The following MCTP1 variants were observed in gnomAD, a reference collection of about 807,000 sequenced individuals.
The protein encoded by MCTP1 is multiple C2 and transmembrane domain-containing protein 1.
A neutral mutation model predicts 120.6 loss-of-function variants in MCTP1; 69 were observed. That is an observed-to-expected ratio of 0.57 (90% confidence interval 0.47 to 0.70). MCTP1 has a LOEUF of 0.70. Ranked by LOEUF, MCTP1 falls within the 30% of genes least tolerant of loss-of-function variation. The pLI, the probability that MCTP1 is intolerant of heterozygous loss-of-function variation, is 0.00. For missense variants in MCTP1, 1,203 were observed against 1,248.8 expected, an observed-to-expected ratio of 0.96 and a Z score of 0.55; for synonymous variants, 529 against 493.1, an observed-to-expected ratio of 1.07 and a Z score of -0.96.
intron 2 of MCTP1, among the ~76,000 whole-genome samples, chr5:95,009,217 A>G (rs1352131623): frequency 2.0e-5 from 3 of 152,152 alleles, no homozygotes; most frequent in Non-Finnish European, 1.5e-5. Context: ...TAATTTGCTA[A>G]GGCAGCTCAA....
chr5:95,200,144 G>T (rs1270358159), intron 1 of MCTP1, among the ~76,000 whole-genome samples: 1 of 149,308 alleles, frequency 6.7e-6, no homozygotes, highest in East Asian at 2.0e-4. Context: ...CTGGGCAACA[G>T]AGTGAGACAC....
chr5:94,953,058 CCCTCTA>C (rs1821025961), intron 3 of MCTP1, among the ~76,000 whole-genome samples, 155 bp downstream of exon 3: 1 of 152,206 alleles, frequency 6.6e-6, no homozygotes, highest in East Asian at 1.9e-4. Context: ...GCTCCTCCTT[CCCTCTA>C]TCTCACTTCT....
chr5:94,890,060 A>T (rs760593440), intron 11 of MCTP1, among the ~76,000 whole-genome samples: 3 of 152,114 alleles, frequency 2.0e-5, no homozygotes, highest in Non-Finnish European at 2.9e-5. Flanking sequence ...GTGCAGTAGC[A>T]TGATAATAGC....
chr5:94,765,053 A>C (rs1772258932), intron 19 of MCTP1, among the ~76,000 whole-genome samples: 1 of 152,124 alleles, frequency 6.6e-6, no homozygotes, highest in South Asian at 2.1e-4. Flanking sequence ...GTATCTTCTC[A>C]GGCCCCAGTG....
At chr5:95,082,510 G>A (rs1412032186) in intron 1 of MCTP1, among the ~76,000 whole-genome samples, 1 of 152,070 alleles carries the variant, frequency 6.6e-6, no homozygotes, top group Non-Finnish European at 1.5e-5. Context: ...GTTAATAACA[G>A]TAAGTAGGCT....
At chr5:94,772,559 T>A (rs1227229250) in intron 19 of MCTP1, among the ~76,000 whole-genome samples, 1 of 152,184 alleles carries the variant, frequency 6.6e-6, no homozygotes, top group Non-Finnish European at 1.5e-5. Context: ...CTCTTTGTCA[T>A]GTAGCATGAC....
At chr5:94,794,277 C>T (rs755468510) in intron 18 of MCTP1, among the ~76,000 whole-genome samples, 1 of 152,084 alleles carries the variant, frequency 6.6e-6, no homozygotes, top group Non-Finnish European at 1.5e-5. Flanking sequence ...TGAATTTATT[C>T]ACAAAAAAAT....
intron 1 of MCTP1, among the ~76,000 whole-genome samples, chr5:95,252,836 C>A (rs1252176870): frequency 6.6e-6 from 1 of 152,030 alleles, no homozygotes; most frequent in Admixed American, 6.6e-5. Context: ...CTAGATAGGG[C>A]AGAGCAAGCT....
chr5:95,002,965 T>C lies in MCTP1; in HGVS notation c.838+14402A>G, dbSNP rs1423566253. Among the ~76,000 whole-genome samples, 4 of 152,160 alleles carry C rather than the reference T, an allele frequency of 2.6e-5. No individual in the cohort carries two copies. In the South Asian group the frequency reaches 6.2e-4, roughly 24 times the overall value. On this transcript the variant is annotated intron_variant, in intron 2 of 22. Transcript: ENST00000515393. ...ATGGGAGGGAACTGGTGGAAGTTAA[T>C]TGAATCATGGGGGCAGCTTCCCCCA...
intron 19 of MCTP1, among the ~76,000 whole-genome samples, chr5:94,776,143 C>T (rs563561950): frequency 6.6e-6 from 1 of 152,004 alleles, no homozygotes; most frequent in East Asian, 1.9e-4. Context: ...ATTTTGTCTG[C>T]TTCAACTTCT....
At chr5:95,013,339 C>A (rs11740469) in intron 2 of MCTP1, among the ~76,000 whole-genome samples, 142,544 of 152,220 alleles carry the variant, frequency 0.94, 67,434 homozygotes, top group East Asian at 1. Flanking sequence ...TAATTGATGA[C>A]GGTTGCTACA....
At chr5:95,099,257 A>T (rs1185173283) in intron 1 of MCTP1, among the ~76,000 whole-genome samples, 1 of 152,132 alleles carries the variant, frequency 6.6e-6, no homozygotes. Context: ...GCAACAAAAG[A>T]CAAAATTGAC....
intron 18 of MCTP1, among the ~76,000 whole-genome samples, chr5:94,781,021 C>CATT (rs1202897316): frequency 6.6e-6 from 1 of 152,002 alleles, no homozygotes; most frequent in Non-Finnish European, 1.5e-5. Flanking sequence ...AAAGAAGCTG[C>CATT]ATTGGTACAT....
Position 95,169,962 on chromosome 5 carries a change from G to A in MCTP1, c.720+113894C>T, listed in dbSNP as rs552334078. ...TTGCACATTCTGCTAGCTTTTGAATGTGTTTGCTCTTGCTTCTCTAGTTCT... is the reference window on the plus strand; with the variant it reads ...TTGCACATTCTGCTAGCTTTTGAATATGTTTGCTCTTGCTTCTCTAGTTCT... On this transcript the variant is annotated intron_variant, in intron 1 of 22. Coordinates refer to ENST00000515393, the MANE Select transcript of MCTP1 (RefSeq NM_024717.7). 7.2e-5 allele frequency among the ~76,000 whole-genome samples: 11 copies of A among 152,206 alleles called. No individual in the cohort carries two copies. The East Asian group carries it at 1.7e-3, about 24-fold the overall frequency.
At chr5:94,900,442 A>G (rs569946919) in intron 10 of MCTP1, among the ~76,000 whole-genome samples, 1 of 152,376 alleles carries the variant, frequency 6.6e-6, no homozygotes, top group Non-Finnish European at 1.5e-5. Flanking sequence ...AATGCTTGAC[A>G]GTGGCAGAGC....
Position 94,971,107 on chromosome 5 carries a change from G to C in MCTP1, c.839-17746C>G, listed in dbSNP as rs538804699. ...CATGTCTACAAGAACTATGATCTTA[G>C]AAAAGTCACTTAGGCTCTGTTGTAT... On this transcript the variant is annotated intron_variant, in intron 2 of 22. Coordinates refer to ENST00000515393, the MANE Select transcript of MCTP1 (RefSeq NM_024717.7). 2.6e-5 allele frequency among the ~76,000 whole-genome samples: 4 copies of C among 152,122 alleles called. No individual in the cohort carries two copies. The South Asian group carries it at 8.3e-4, about 32-fold the overall frequency.
In MCTP1 at chr5:95,215,194, A is replaced by G. The variant is rs376749859; in HGVS notation, c.720+68662T>C. Reference sequence around the variant, plus strand: ...TTCCTCTCTTCTCCAAGCAATAGCTAAACCTCAAAACCCATTTTCAAGTCT... The same window carrying G: ...TTCCTCTCTTCTCCAAGCAATAGCTGAACCTCAAAACCCATTTTCAAGTCT... On this transcript the variant is annotated intron_variant, in intron 1 of 22. Coordinates refer to ENST00000515393, the MANE Select transcript of MCTP1 (RefSeq NM_024717.7). 7.2e-5 allele frequency among the ~76,000 whole-genome samples: 11 copies of G among 152,308 alleles called. No individual in the cohort carries two copies. In the East Asian group the frequency reaches 2.1e-3, roughly 29 times the overall value.
chr5:94,804,508 G>A (rs532091571), intron 17 of MCTP1, among the ~76,000 whole-genome samples: 8 of 151,980 alleles, frequency 5.3e-5, no homozygotes, highest in African/African-American at 1.2e-4. Context: ...GCGCGATGTC[G>A]GCTCACTGCA....
chr5:94,886,740 C>T (rs780459917), intron 12 of MCTP1, among the ~76,000 whole-genome samples: 3 of 152,126 alleles, frequency 2.0e-5, no homozygotes, highest in Admixed American at 6.5e-5. Flanking sequence ...TAGAGGCTGA[C>T]TGTTATTATC....
Sources: gnomAD v4.1 joint callset for allele counts (sites outside exome capture counted in the v4.1 genomes callset) on GRCh38, gnomAD v4.1.1 for gene constraint, MANE v1.5 for transcripts, NCBI Gene and HGNC (gene_info 2026-07-23, HGNC 2026-07-21) for gene names.